Variants in KCNC1 observed in about 807,000 individuals in gnomAD.
KCNC1 encodes the protein potassium voltage-gated channel subfamily C member 1, also known as voltage-gated potassium channel KCNC1.
Under a neutral mutation model 43.4 loss-of-function variants are expected in KCNC1, and 8 were observed. The observed-to-expected ratio is 0.18, with a 90% CI of 0.11 to 0.33. The LOEUF (loss-of-function observed/expected upper bound fraction) is 0.33. KCNC1 is among the 10% of genes least tolerant of loss of function. The pLI, the probability that KCNC1 is intolerant of heterozygous loss-of-function variation, is 1.00. For synonymous variants in KCNC1, 361 were observed against 360.5 expected (o/e 1.00, Z -0.01); for missense variants, 420 against 836.0 (o/e 0.50, Z 6.14).
intron 2 of KCNC1, chr11:17,772,944 T>G (rs900986894): frequency 1.2e-5 from 14 of 1,170,900 alleles, no homozygotes; most frequent in African/African-American, 1.6e-5. Context: ...TGTGAGTCTC[T>G]GACTCAGGCT....
chr11:17,779,339 C>T lies in KCNC1; in HGVS notation c.1505-117C>T. 1.2e-6 allele frequency: 1 copy of T among 837,340 alleles called. No homozygotes were observed. Among genetic ancestry groups the T allele is most frequent in the Non-Finnish European group, 1.8e-6 (1 of 567,212 alleles). 51.9% of individuals were successfully genotyped at this position (837,340 alleles called of 1,614,324 possible). On this transcript the variant is annotated intron_variant, in intron 2 of 3. Coordinates refer to ENST00000265969, the MANE Select transcript of KCNC1 (RefSeq NM_001112741.2). The surrounding 1 kb of genome is among the most constrained non-coding windows in gnomAD (Gnocchi z 7.2). The stretch of plus-strand genomic sequence containing the variant: ...CTCGCTCCACAGCCTGCCCGCTTTT[C>T]CGTCCTCAGGGACGCTCAAGCTGCC...
At position 17,736,850 on chromosome 11, in the gene KCNC1, AGT is replaced by A. The variant is rs1323383403; in HGVS notation, c.570+282_570+283del. On this transcript the variant is annotated intron_variant, in intron 1 of 3. Coordinates refer to ENST00000265969, the MANE Select transcript of KCNC1 (RefSeq NM_001112741.2). The surrounding 1 kb of genome is among the most constrained non-coding windows in gnomAD (Gnocchi z 9.3). The stretch of plus-strand genomic sequence containing the variant: ...TAGATTGTGTGTGCATATTTATGTA[AGT>A]GTGGTGGTGTGTATTTGGGTGGGTA... Among the ~76,000 whole-genome samples the A allele has an allele frequency of 1.3e-5, 2 of 152,090 alleles. No homozygotes were observed. The highest frequency in any genetic ancestry group is 2.9e-5 in the Non-Finnish European group (2 of 68,020).
rs1848833720 is a variant in KCNC1 at position 17,740,958 on chromosome 11, T to C, written c.570+4386T>C. 3.3e-5 allele frequency among the ~76,000 whole-genome samples: 5 copies of C among 152,244 alleles called. No individual in the cohort carries two copies. The South Asian group carries it at 1.0e-3, about 32-fold the overall frequency. On this transcript the variant is annotated intron_variant, in intron 1 of 3. Coordinates refer to ENST00000265969, the MANE Select transcript of KCNC1 (RefSeq NM_001112741.2). ...ACACAGGGCTCTTGGAGTCGTGGCTTGGCATGCGGAGGGCTGGGGGACAGA... is the reference window on the plus strand; with the variant it reads ...ACACAGGGCTCTTGGAGTCGTGGCTCGGCATGCGGAGGGCTGGGGGACAGA...
chr11:17,763,877 A>G (rs1442513597), intron 1 of KCNC1, among the ~76,000 whole-genome samples: 2 of 127,046 alleles, frequency 1.6e-5, no homozygotes, highest in African/African-American at 3.0e-5. Flanking sequence ...ACACATGCAC[A>G]TGTACACACC....
Position 17,735,552 on chromosome 11 carries a change from A to G in KCNC1, c.-451A>G, listed in dbSNP as rs1374758269. ...CCCGGGAGCGGCTGACCTTTCCCCC[A>G]AAAGCTTTGTGCCGATTTCTCCATT... On this transcript the variant is annotated 5_prime_UTR_variant, in exon 1 of 4. Transcript: ENST00000265969. The surrounding 1 kb of genome is among the most constrained non-coding windows in gnomAD (Gnocchi z 6.7). 1 of 142,176 alleles carries G rather than the reference A, an allele frequency of 7.0e-6. No homozygotes were observed. Among genetic ancestry groups the G allele is most frequent in the Non-Finnish European group, 1.5e-5 (1 of 66,082 alleles). The allele number at this position is 142,176 out of a possible 1,614,324, so 8.8% of individuals were successfully genotyped here.
intron 1 of KCNC1, among the ~76,000 whole-genome samples, chr11:17,759,896 A>G (rs958867279): frequency 6.6e-6 from 1 of 152,216 alleles, no homozygotes; most frequent in African/African-American, 2.4e-5. Flanking sequence ...ATGCTGTTGG[A>G]AAAATAGCAC....
chr11:17,747,267 G>A (rs563495091), intron 1 of KCNC1, among the ~76,000 whole-genome samples: 1 of 152,062 alleles, frequency 6.6e-6, no homozygotes, highest in Non-Finnish European at 1.5e-5. Context: ...TGTGAGCCTC[G>A]GTCTCCCCAT....
In KCNC1 at chr11:17,739,048, T is replaced by G. The variant is rs533289319; in HGVS notation, c.570+2476T>G. Among the ~76,000 whole-genome samples, 800 of 152,274 alleles carry G rather than the reference T, an allele frequency of 5.3e-3. 4 individuals carry two copies. The highest frequency in any genetic ancestry group is 0.01 in the Middle Eastern group (3 of 294). On this transcript the variant is annotated intron_variant, in intron 1 of 3. Transcript: ENST00000265969. This position sits in a 1 kb window ranked among gnomAD's most constrained non-coding sequence, Gnocchi z 4.2. ...CTGCCGCCCGCCCGGCTGGCCTAGC[T>G]GCACTGCGCTGCCTCTCTGCGGCTC...
At position 17,771,656 on chromosome 11, in the gene KCNC1, T is replaced by A. The variant is rs1163443609; in HGVS notation, c.571-9T>A. The A allele has an allele frequency of 2.5e-6, 4 of 1,598,248 alleles. No homozygotes were observed. The highest frequency in any genetic ancestry group is 3.4e-6 in the Non-Finnish European group (4 of 1,168,246). On this transcript the variant is annotated splice_polypyrimidine_tract_variant and intron_variant, in intron 1 of 3. Transcript: ENST00000265969. The surrounding 1 kb of genome is among the most constrained non-coding windows in gnomAD (Gnocchi z 4.7). The stretch of plus-strand genomic sequence containing the variant: ...GCCTCCCTCTGACACTGTGTCTTTA[T>A]CCCCACAGTATGTGGCCTTCGCTTC...
At position 17,736,277 on chromosome 11, in the gene KCNC1, C is replaced by A; in HGVS notation, c.275C>A (p.Ala92Asp). The change falls in exon 1 of 4, where the codon GCC becomes GAC. Residue 92 changes from alanine (A) to aspartate (D), a missense_variant. Physicochemically the swap from Ala to Asp is moderately radical, Grantham distance 126 (BLOSUM62 -2). Coordinates refer to ENST00000265969, the MANE Select transcript of KCNC1 (RefSeq NM_001112741.2). The surrounding 1 kb of genome is among the most constrained non-coding windows in gnomAD (Gnocchi z 9.3). ...VCGPLYEEEL[A>D]FWGIDETDVE... is the part of the protein sequence containing the mutation. ...GGGCCGCTCTACGAGGAGGAGCTGG[C>A]CTTCTGGGGCATCGACGAGACCGAC... The A allele has an allele frequency of 6.2e-7, 1 of 1,613,582 alleles. No individual in the cohort carries two copies. The highest frequency in any genetic ancestry group is 8.5e-7 in the Non-Finnish European group (1 of 1,179,890).
In KCNC1 at chr11:17,736,687, G is replaced by A; in HGVS notation, c.570+115G>A. On this transcript the variant is annotated intron_variant, in intron 1 of 3. Coordinates refer to ENST00000265969, the MANE Select transcript of KCNC1 (RefSeq NM_001112741.2). The surrounding 1 kb of genome is among the most constrained non-coding windows in gnomAD (Gnocchi z 9.3). ...CCTAGGGAGTTCAGAATCGAAAGGG[G>A]GTGTGTGCGCATGTGTGCACGTACC... The A allele has an allele frequency of 7.0e-7, 1 of 1,426,956 alleles. No individual in the cohort carries two copies. Among genetic ancestry groups the A allele is most frequent in the Non-Finnish European group, 9.1e-7 (1 of 1,092,978 alleles). 88.4% of individuals were successfully genotyped at this position (1,426,956 alleles called of 1,614,324 possible).
intron 1 of KCNC1, among the ~76,000 whole-genome samples, chr11:17,749,068 T>C (rs1386094142): frequency 6.6e-6 from 1 of 152,198 alleles, no homozygotes; most frequent in Non-Finnish European, 1.5e-5. Flanking sequence ...CGGGAGAAGA[T>C]GGCTAGTGGC....
At chr11:17,754,991 G>C (rs752142234) in intron 1 of KCNC1, among the ~76,000 whole-genome samples, 13 of 152,250 alleles carry the variant, frequency 8.5e-5, no homozygotes, top group Admixed American at 3.9e-4. Flanking sequence ...ATCTGTGCTG[G>C]GGGGAACAGC....
At chr11:17,740,879 C>G (rs986554473) in intron 1 of KCNC1, among the ~76,000 whole-genome samples, 2 of 152,076 alleles carry the variant, frequency 1.3e-5, no homozygotes, top group Non-Finnish European at 2.9e-5. Context: ...TACCTGGTGG[C>G]GGGAAATAAA....
At chr11:17,775,281 T>TTGCCC in intron 2 of KCNC1, 5 of 935,660 alleles carry the variant, frequency 5.3e-6, no homozygotes, top group Non-Finnish European at 6.4e-6. Context: ...TCTGAGGGCA[T>TTGCCC]CCCTCCCGCC....
At position 17,739,477 on chromosome 11, in the gene KCNC1, T is replaced by C. The variant is rs938375560; in HGVS notation, c.570+2905T>C. Among the ~76,000 whole-genome samples the C allele has an allele frequency of 4.7e-5, 7 of 148,960 alleles. No individual in the cohort carries two copies. Among genetic ancestry groups the C allele is most frequent in the African/African-American group, 1.5e-4 (6 of 40,052 alleles). ...TGTGTGAGAGAGGCGGATTCTGTGT[T>C]TTGGATGGACTGTGCGTGTGTGAGA... On this transcript the variant is annotated intron_variant, in intron 1 of 3. Transcript: ENST00000265969. The surrounding 1 kb of genome is among the most constrained non-coding windows in gnomAD (Gnocchi z 4.2).
chr11:17,749,442 G>C (rs776670772), intron 1 of KCNC1, among the ~76,000 whole-genome samples: 60 of 152,366 alleles, frequency 3.9e-4, no homozygotes, highest in Non-Finnish European at 6.6e-4. Context: ...AGCCTTGCCA[G>C]GTGGCTCCCT....
At position 17,779,311 on chromosome 11, in the gene KCNC1, C is replaced by T. The variant is rs376249514; in HGVS notation, c.1505-145C>T. On this transcript the variant is annotated intron_variant, in intron 2 of 3. Transcript: ENST00000265969. This position sits in a 1 kb window ranked among gnomAD's most constrained non-coding sequence, Gnocchi z 7.2. Reference sequence around the variant, plus strand: ...CCCACCAAGCCCCCTGCCTTGTGCCCTCCTCGCTCCACAGCCTGCCCGCTT... The same window carrying T: ...CCCACCAAGCCCCCTGCCTTGTGCCTTCCTCGCTCCACAGCCTGCCCGCTT... 4.2e-5 allele frequency: 27 copies of T among 648,366 alleles called. No individual in the cohort carries two copies. The Middle Eastern group carries it at 1.3e-3, about 30-fold the overall frequency. The allele number at this position is 648,366 out of a possible 1,614,324, so 40.2% of individuals were successfully genotyped here.
rs1381661832 is a variant in KCNC1, at chr11:17,736,731, T to A, written c.570+159T>A. ...ACGTACCAGGGTAAGAGAGGAAGGG[T>A]GTCCGCCGGGGTTCTGGTTTTCTAT... is the stretch of plus-strand genomic sequence containing the variant. On this transcript the variant is annotated intron_variant, in intron 1 of 3. Transcript: ENST00000265969. The surrounding 1 kb of genome is among the most constrained non-coding windows in gnomAD (Gnocchi z 9.3). Among the ~76,000 whole-genome samples, 1 of 152,038 alleles carries A rather than the reference T, an allele frequency of 6.6e-6. No homozygotes were observed. Among genetic ancestry groups the A allele is most frequent in the Non-Finnish European group, 1.5e-5 (1 of 67,998 alleles).
Sources: allele counts gnomAD v4.1 joint callset (sites outside exome capture counted in the v4.1 genomes callset), GRCh38; gene constraint gnomAD v4.1.1; non-coding constraint Gnocchi (gnomAD v3.1); transcripts MANE v1.5; gene names NCBI Gene and HGNC (gene_info 2026-07-23, HGNC 2026-07-21).